The following SINHCAF variants were observed in gnomAD, a reference collection of about 807,000 sequenced individuals.
SINHCAF encodes the protein SIN3-HDAC complex associated factor.
In SINHCAF, 3 loss-of-function variants were observed where a neutral mutation model predicts 25.8. The observed-to-expected ratio is 0.12, with a 90% CI of 0.05 to 0.30. The LOEUF (loss-of-function observed/expected upper bound fraction) is 0.30, where lower values mean the gene tolerates loss of function less well. SINHCAF is among the 10% of genes least tolerant of loss of function. The pLI, the probability that SINHCAF is intolerant of heterozygous loss-of-function variation, is 1.00. For synonymous variants in SINHCAF, 70 were observed against 85.5 expected (o/e 0.82, Z 1.00); for missense variants, 121 against 262.3 (o/e 0.46, Z 3.72).
intron 1 of SINHCAF, chr12:31,312,045 G>A: frequency 1.8e-6 from 1 of 568,522 alleles, no homozygotes. Flanking sequence ...GAAAGAGGAT[G>A]GTACCAGCAG....
chr12:31,304,505 T>G (rs890794563), intron 1 of SINHCAF: 1 of 152,190 alleles, frequency 6.6e-6, no homozygotes, highest in African/African-American at 2.4e-5. Context: ...AATTTGTCCC[T>G]AATTGGCTTA....
chr12:31,298,344 G>A, intron 1 of SINHCAF, 120 bp from the exon 2 acceptor site: 1 of 1,119,972 alleles, frequency 8.9e-7, no homozygotes, highest in Non-Finnish European at 1.3e-6. Flanking sequence ...AAGACAGGCA[G>A]GCAGCTCAAG....
At chr12:31,305,981 G>A (rs191811804) in intron 1 of SINHCAF, among the ~76,000 whole-genome samples, 7 of 152,326 alleles carry the variant, frequency 4.6e-5, no homozygotes, top group Admixed American at 3.9e-4. Flanking sequence ...TTACAGGCAT[G>A]AGCCACTGCG....
At position 31,281,263 on chromosome 12, in the gene SINHCAF, T is replaced by C. The variant is rs1937777422; in HGVS notation, c.*1449A>G. On this transcript the variant is annotated 3_prime_UTR_variant, in exon 6 of 6. Coordinates refer to ENST00000337682, the MANE Select transcript of SINHCAF (RefSeq NM_001135812.2). ...TCAAGTGAGAGGCTTTTCATGAAAA[T>C]CTTAGGATTGAAGAGCTCTAAGTTC... The C allele has an allele frequency of 6.6e-6, 1 of 152,136 alleles. No individual in the cohort carries two copies. The highest frequency in any genetic ancestry group is 2.1e-4 in the South Asian group (1 of 4,830). The allele number at this position is 152,136 out of a possible 1,614,324, so 9.4% of individuals were successfully genotyped here.
At chr12:31,283,598 G>C (rs1174912729) in intron 5 of SINHCAF, among the ~76,000 whole-genome samples, 1 of 151,036 alleles carries the variant, frequency 6.6e-6, no homozygotes, top group Non-Finnish European at 1.5e-5. Context: ...GCAAAACTCT[G>C]TCTCAAAAAA....
At chr12:31,308,262 T>G (rs1939116288) in intron 1 of SINHCAF, among the ~76,000 whole-genome samples, 2 of 152,136 alleles carry the variant, frequency 1.3e-5, no homozygotes, top group Non-Finnish European at 1.5e-5. Context: ...TTTAATTTGT[T>G]GCACAGCTGG....
At chr12:31,317,643 T>G (rs1939544108) in intron 1 of SINHCAF, among the ~76,000 whole-genome samples, 1 of 151,788 alleles carries the variant, frequency 6.6e-6, no homozygotes, top group African/African-American at 2.4e-5. Flanking sequence ...AGCATCACTC[T>G]CCAATAACCT....
At chr12:31,297,081 T>A (rs1368540484) in intron 2 of SINHCAF, 1 of 394,878 alleles carries the variant, frequency 2.5e-6, no homozygotes, top group Non-Finnish European at 5.1e-6. Context: ...TGATTTCCCA[T>A]GTTAGAAATT....
intron 5 of SINHCAF, 25 bp downstream of exon 5, chr12:31,287,609 T>TAG (rs1207833931): frequency 1.3e-6 from 2 of 1,553,586 alleles, no homozygotes; most frequent in African/African-American, 1.4e-5. Flanking sequence ...GTTTGCTGGT[T>TAG]AGAGAGATAC....
intron 1 of SINHCAF, among the ~76,000 whole-genome samples, chr12:31,302,674 A>T (rs142120025): frequency 6.6e-6 from 1 of 152,108 alleles, no homozygotes; most frequent in African/African-American, 2.4e-5. Flanking sequence ...ACAGTGAAGC[A>T]ACAATTACAC....
At chr12:31,294,488 C>T (rs998941793) in intron 3 of SINHCAF, among the ~76,000 whole-genome samples, 4 of 152,014 alleles carry the variant, frequency 2.6e-5, no homozygotes, top group Admixed American at 6.6e-5. Flanking sequence ...CACTTTACAC[C>T]TTAATCTCTG....
At position 31,282,181 on chromosome 12, in the gene SINHCAF, G is replaced by A. The variant is rs1937831816; in HGVS notation, c.*531C>T. 1 of 151,078 alleles carries A rather than the reference G, an allele frequency of 6.6e-6. No homozygotes were observed. The highest frequency in any genetic ancestry group is 2.4e-5 in the African/African-American group (1 of 40,876). The allele number at this position is 151,078 out of a possible 1,614,324, so 9.4% of individuals were successfully genotyped here. A position where few individuals can be genotyped will look rare whatever the true frequency, so the allele number is the denominator to read the frequency against. On this transcript the variant is annotated 3_prime_UTR_variant, in exon 6 of 6. Coordinates refer to ENST00000337682, the MANE Select transcript of SINHCAF (RefSeq NM_001135812.2). ...ATCTCTGTCCCCTGAAATTCCCCTA[G>A]TTTCATTCATTAGAAGGGGATTAAA...
chr12:31,296,670 A>G (rs1445977080), intron 2 of SINHCAF, among the ~76,000 whole-genome samples: 1 of 152,102 alleles, frequency 6.6e-6, no homozygotes, highest in Non-Finnish European at 1.5e-5. Flanking sequence ...CCTGGGCAAC[A>G]TGGCAAAATC....
chr12:31,317,505 G>GT (rs1263722278), intron 1 of SINHCAF, among the ~76,000 whole-genome samples: 1 of 152,068 alleles, frequency 6.6e-6, no homozygotes, highest in Admixed American at 6.5e-5. Flanking sequence ...AAATGAGACT[G>GT]TAACTACACA....
At chr12:31,302,134 C>T (rs1049923111) in intron 1 of SINHCAF, among the ~76,000 whole-genome samples, 1 of 152,132 alleles carries the variant, frequency 6.6e-6, no homozygotes, top group Non-Finnish European at 1.5e-5. Flanking sequence ...GAACAGACCC[C>T]ATACAATCTC....
chr12:31,311,428 C>T (rs911204009), intron 1 of SINHCAF, among the ~76,000 whole-genome samples: 6 of 152,190 alleles, frequency 3.9e-5, no homozygotes, highest in Non-Finnish European at 7.3e-5. Context: ...AAAGCAAATC[C>T]GATCTTCATA....
rs116682619 is a variant in SINHCAF, at chr12:31,321,617, A to G, written c.-21+4407T>C. On this transcript the variant is annotated intron_variant, in intron 1 of 5. Coordinates refer to ENST00000337682, the MANE Select transcript of SINHCAF (RefSeq NM_001135812.2). ...TTACAGATGAAAAAAACTGGATCAC[A>G]AAGTGACTATAAGATGATGACAGCT... is the stretch of plus-strand genomic sequence containing the variant. Among the ~76,000 whole-genome samples, 410 of 152,334 alleles carry G rather than the reference A, an allele frequency of 2.7e-3. 2 individuals are homozygous for G. The highest frequency in any genetic ancestry group is 9.2e-3 in the African/African-American group (384 of 41,566).
intron 3 of SINHCAF, 49 bp downstream of exon 3, chr12:31,295,185 C>CT: frequency 8.8e-7 from 1 of 1,130,266 alleles, no homozygotes; most frequent in East Asian, 2.4e-5. Context: ...ATTAATGTTA[C>CT]TTTAAATACA....
intron 1 of SINHCAF, chr12:31,303,683 G>A (rs1938900358): frequency 6.6e-6 from 1 of 152,162 alleles, no homozygotes; most frequent in Non-Finnish European, 1.5e-5. Context: ...GTGATAGTAA[G>A]AGAAGTAGGA....
Sources: allele counts gnomAD v4.1 joint callset (sites outside exome capture counted in the v4.1 genomes callset), GRCh38; gene constraint gnomAD v4.1.1; transcripts MANE v1.5; gene names NCBI Gene and HGNC (gene_info 2026-07-23, HGNC 2026-07-21).